Variants in GPLD1 observed in about 807,000 individuals in gnomAD.
GPLD1 encodes the protein phosphatidylinositol-glycan-specific phospholipase D.
In GPLD1, 84 loss-of-function variants were observed where a neutral mutation model predicts 112.6. The observed-to-expected ratio is 0.75, with a 90% CI of 0.63 to 0.89. The LOEUF (loss-of-function observed/expected upper bound fraction) is 0.89, where lower values mean the gene tolerates loss of function less well. Ranked by LOEUF, GPLD1 falls within the 40% of genes least tolerant of loss-of-function variation. The pLI is 0.00. For missense variants in GPLD1, 1,044 were observed against 1,051.5 expected (o/e 0.99, Z 0.10); for synonymous variants, 386 against 403.8 (o/e 0.96, Z 0.53).
chr6:24,429,171 T>G, intron 24 of GPLD1, 53 bp from the exon 25 acceptor site: 2 of 1,121,950 alleles, frequency 1.8e-6, no homozygotes, highest in African/African-American at 1.5e-5. Flanking sequence ...TCTATTGAGT[T>G]CCTATGGTAG....
intron 7 of GPLD1, among the ~76,000 whole-genome samples, chr6:24,471,004 A>G (rs1473664106): frequency 2.0e-5 from 3 of 152,248 alleles, no homozygotes; most frequent in Non-Finnish European, 4.4e-5. Context: ...TTGAGCCTAA[A>G]TCTTATTTGA....
At chr6:24,456,758 T>G (rs1484640100) in intron 12 of GPLD1, 121 bp from the exon 13 acceptor site, 7 of 619,842 alleles carry the variant, frequency 1.1e-5, no homozygotes, top group Non-Finnish European at 1.7e-5. Flanking sequence ...TGCTAAACAA[T>G]AAAATAAAAC....
At chr6:24,473,317 A>G (rs551152597) in intron 6 of GPLD1, 1 of 220,194 alleles carries the variant, frequency 4.5e-6, no homozygotes, top group South Asian at 9.4e-5. Context: ...GTATTAGGAA[A>G]GTAGGAGACA....
intron 15 of GPLD1, 121 bp downstream of exon 15, chr6:24,449,668 T>C (rs1763017425): frequency 1.5e-6 from 1 of 684,032 alleles, no homozygotes; most frequent in Non-Finnish European, 2.6e-6. Context: ...TGCTCACAAA[T>C]GCTCTGTCTC....
At chr6:24,458,208 T>G (rs917344521) in intron 12 of GPLD1, among the ~76,000 whole-genome samples, 1 of 151,996 alleles carries the variant, frequency 6.6e-6, no homozygotes, top group Non-Finnish European at 1.5e-5. Context: ...GCTCAGAGCA[T>G]GAAGGCAGCC....
chr6:24,452,435 A>G (rs563292242), intron 14 of GPLD1, among the ~76,000 whole-genome samples: 2 of 152,284 alleles, frequency 1.3e-5, no homozygotes, highest in South Asian at 4.1e-4. Flanking sequence ...AGCTCCTTTC[A>G]TCAGAGCCTA....
Position 24,455,954 on chromosome 6 carries a change from C to T in GPLD1, c.1148+544G>A, listed in dbSNP as rs533336775. On this transcript the variant is annotated intron_variant, in intron 13 of 24. Coordinates refer to ENST00000230036, the MANE Select transcript of GPLD1 (RefSeq NM_001503.4). ...CTTTGGGGGGCTGAGGCAGGTGGATCGCTTGAGCCCAGGAGTTTGAGACCA... is the reference window on the plus strand; with the variant it reads ...CTTTGGGGGGCTGAGGCAGGTGGATTGCTTGAGCCCAGGAGTTTGAGACCA... Among the ~76,000 whole-genome samples the T allele has an allele frequency of 1.5e-3, 228 of 152,202 alleles. 1 individual carries two copies. Among genetic ancestry groups the T allele is most frequent in the African/African-American group, 5.4e-3 (226 of 41,520 alleles).
chr6:24,488,996 C>A (rs1764474961), intron 1 of GPLD1, among the ~76,000 whole-genome samples: 1 of 152,184 alleles, frequency 6.6e-6, no homozygotes, highest in African/African-American at 2.4e-5. Flanking sequence ...ACATATGGCT[C>A]TTTACATATA....
chr6:24,441,073 C>T (rs991216458), intron 20 of GPLD1, among the ~76,000 whole-genome samples: 12 of 151,944 alleles, frequency 7.9e-5, no homozygotes, highest in South Asian at 6.2e-4. Context: ...GAGGCCGAGG[C>T]GGGCGGATCA....
In GPLD1 at chr6:24,445,636, T is replaced by C. The variant is rs754448798; in HGVS notation, c.1930A>G (p.Met644Val). 1 of 1,612,818 alleles carries C rather than the reference T, an allele frequency of 6.2e-7. No homozygotes were observed. The highest frequency in any genetic ancestry group is 1.1e-5 in the South Asian group (1 of 91,056). The change falls in exon 20 of 25, where the codon ATG (methionine) becomes GTG (valine). Residue 644 changes from methionine (M) to valine (V), a missense_variant. Transcript: ENST00000230036. Reference sequence around the variant, plus strand: ...GAAAGGGAAGTACCCAGTTTCCCCATTGCCTGTGAGACACAATAAATCAAT... The same window carrying C: ...GAAAGGGAAGTACCCAGTTTCCCCACTGCCTGTGAGACACAATAAATCAAT... ...SWFTISGDKA[M>V]GKLGTSLSSG...
chr6:24,463,652 T>A (rs974099395), intron 10 of GPLD1, among the ~76,000 whole-genome samples: 7 of 152,228 alleles, frequency 4.6e-5, no homozygotes, highest in African/African-American at 1.7e-4. Flanking sequence ...AGTAGAGTTC[T>A]TGGCAATGTA....
At chr6:24,494,907 C>T (rs1320994034) in intron 1 of GPLD1, 6 of 1,224,318 alleles carry the variant, frequency 4.9e-6, no homozygotes, top group Non-Finnish European at 6.1e-6. Flanking sequence ...TCCCCGGCGC[C>T]TCCTCGCTCC....
intron 14 of GPLD1, among the ~76,000 whole-genome samples, chr6:24,450,876 G>A (rs1763057759): frequency 6.6e-6 from 1 of 152,056 alleles, no homozygotes; most frequent in African/African-American, 2.4e-5. Flanking sequence ...GGAGGCTGAG[G>A]CAGGAGAATC....
In GPLD1 at chr6:24,429,089, ACTC is replaced by A. The variant is rs778753458; in HGVS notation, c.2463_2465del (p.Arg821del). 3 of 1,613,444 alleles carry A rather than the reference ACTC, an allele frequency of 1.9e-6. No individual in the cohort carries two copies. In the South Asian group the frequency reaches 3.3e-5, roughly 18 times the overall value. On this transcript the variant is annotated inframe_deletion, in exon 25 of 25. Transcript: ENST00000230036. ...CCCCGGAGAGTCGGGCTCCCAAAGA[ACTC>A]CTTCCAGCAGCAATGACGACTTGGT...
Position 24,473,586 on chromosome 6 carries a change from C to T in GPLD1, c.490+33G>A, listed in dbSNP as rs762788347. 15 of 1,423,118 alleles carry T rather than the reference C, an allele frequency of 1.1e-5. 1 individual carries two copies. The highest frequency in any genetic ancestry group is 3.4e-5 in the South Asian group (3 of 87,154). The allele number at this position is 1,423,118 out of a possible 1,614,324, so 88.2% of individuals were successfully genotyped here. Reference sequence around the variant, plus strand: ...ATGTCATTATAAGTGAACTATACCACGAGAAAATTTAGCAAATGTAAATAA... The same window carrying T: ...ATGTCATTATAAGTGAACTATACCATGAGAAAATTTAGCAAATGTAAATAA... On this transcript the variant is annotated intron_variant, in intron 6 of 24. Coordinates refer to ENST00000230036, the MANE Select transcript of GPLD1 (RefSeq NM_001503.4).
chr6:24,468,561 A>ATT (rs199823696), intron 7 of GPLD1, among the ~76,000 whole-genome samples: 12,979 of 148,488 alleles, frequency 0.087, 750 homozygotes, highest in Middle Eastern at 0.14. Flanking sequence ...TTTTATTTTT[A>ATT]TTTTTTTTTT....
At chr6:24,449,646 C>T in intron 15 of GPLD1, 143 bp downstream of exon 15, 2 of 618,664 alleles carry the variant, frequency 3.2e-6, no homozygotes, top group Non-Finnish European at 5.7e-6. Context: ...CCCATAGGGG[C>T]CTGAGATTAT....
chr6:24,484,166 T>C (rs7742653), intron 2 of GPLD1, among the ~76,000 whole-genome samples: 26,875 of 151,938 alleles, frequency 0.18, 2,733 homozygotes, highest in African/African-American at 0.28. Context: ...CTGCCCGCCT[T>C]GGCCTCCCAA....
chr6:24,494,954 C>A, intron 1 of GPLD1: 1 of 1,286,540 alleles, frequency 7.8e-7, no homozygotes, highest in African/African-American at 1.5e-5. Context: ...CCCGTGCGCG[C>A]GCGCCCGCTT....
Sources: allele counts gnomAD v4.1 joint callset (sites outside exome capture counted in the v4.1 genomes callset), GRCh38; gene constraint gnomAD v4.1.1; transcripts MANE v1.5; gene names NCBI Gene and HGNC (gene_info 2026-07-23, HGNC 2026-07-21).